The following KCNN3 variants were observed in gnomAD, a reference collection of about 807,000 sequenced individuals.
KCNN3 encodes the protein potassium calcium-activated channel subfamily N member 3.
Under a neutral mutation model 62.9 loss-of-function variants are expected in KCNN3, and 16 were observed. The ratio of observed to expected loss-of-function variants is 0.25; its 90% CI spans 0.17 to 0.39. The LOEUF is 0.39. Among genes scored for constraint, KCNN3 ranks in the 10% least tolerant of loss-of-function variants. KCNN3 has a pLI of 1.00. For missense variants in KCNN3, 599 were observed against 949.4 expected, an observed-to-expected ratio of 0.63 and a Z score of 4.85; for synonymous variants, 370 against 389.2, an observed-to-expected ratio of 0.95 and a Z score of 0.58.
At chr1:154,841,695 T>C (rs1376332668) in intron 1 of KCNN3, among the ~76,000 whole-genome samples, 1 of 152,140 alleles carries the variant, frequency 6.6e-6, no homozygotes, top group African/African-American at 2.4e-5. Flanking sequence ...ATCTACCAGG[T>C]ATTGTCTCCC....
intron 1 of KCNN3, among the ~76,000 whole-genome samples, chr1:154,864,072 G>A (rs771316053): frequency 3.3e-5 from 5 of 152,210 alleles, no homozygotes; most frequent in East Asian, 1.9e-4. Context: ...CCTGTGGGCC[G>A]ACACACTCAG....
intron 1 of KCNN3, among the ~76,000 whole-genome samples, chr1:154,828,152 G>A (rs141244226): frequency 0.021 from 3,187 of 152,232 alleles, 57 homozygotes; most frequent in Non-Finnish European, 0.032. Flanking sequence ...ATCCGAGGGC[G>A]CAGGAGTCTC....
intron 3 of KCNN3, among the ~76,000 whole-genome samples, chr1:154,759,867 T>C (rs1647918423): frequency 6.6e-6 from 1 of 152,226 alleles, no homozygotes; most frequent in Non-Finnish European, 1.5e-5. Flanking sequence ...GGTTTCTCAA[T>C]GCAATATGGA....
chr1:154,848,927 G>A (rs1268466348), intron 1 of KCNN3, among the ~76,000 whole-genome samples: 3 of 152,170 alleles, frequency 2.0e-5, no homozygotes, highest in African/African-American at 4.8e-5. Context: ...CAACGTCCCC[G>A]GGGCCAGTGC....
At chr1:154,743,903 C>T (rs925753931) in intron 3 of KCNN3, among the ~76,000 whole-genome samples, 1 of 152,142 alleles carries the variant, frequency 6.6e-6, no homozygotes, top group Admixed American at 6.5e-5. Flanking sequence ...GTGAAGTAAT[C>T]CCATCATAAG....
chr1:154,735,774 G>A (rs1207475692), intron 3 of KCNN3, among the ~76,000 whole-genome samples: 1 of 152,188 alleles, frequency 6.6e-6, no homozygotes, highest in Non-Finnish European at 1.5e-5. Context: ...TTCCCAGCAG[G>A]TTGCTTTCTG....
At position 154,701,240 on chromosome 1, in the gene KCNN3, TGCA is replaced by T. The variant is rs1699845892; in HGVS notation, c.*6733_*6735del. 6.6e-6 allele frequency: 1 copy of T among 152,250 alleles called. No individual in the cohort carries two copies. 9.4% of individuals were successfully genotyped at this position (152,250 alleles called of 1,614,324 possible). On this transcript the variant is annotated 3_prime_UTR_variant, in exon 8 of 8. Coordinates refer to ENST00000271915, the MANE Select transcript of KCNN3 (RefSeq NM_002249.6). ...TTTCCCAGGAGAAAACTTGTTGTTT[TGCA>T]CTATCTGTAAATCTATGTGAATTTT...
At chr1:154,752,673 A>AC (rs981036846) in intron 3 of KCNN3, among the ~76,000 whole-genome samples, 11 of 151,488 alleles carry the variant, frequency 7.3e-5, no homozygotes, top group African/African-American at 1.2e-4. Context: ...TATTTATTAA[A>AC]AAACAATTCC....
In KCNN3 at chr1:154,699,874, C is replaced by T. The variant is rs1260496642; in HGVS notation, c.*8102G>A. On this transcript the variant is annotated 3_prime_UTR_variant, in exon 8 of 8. Coordinates refer to ENST00000271915, the MANE Select transcript of KCNN3 (RefSeq NM_002249.6). ...TCCACCTGATATTCTGATGGCTTTG[C>T]TAGTCTGGTCTAAAAAAAAAAAGAC... The T allele has an allele frequency of 6.8e-6, 1 of 147,122 alleles. No homozygotes were observed. The highest frequency in any genetic ancestry group is 1.5e-5 in the Non-Finnish European group (1 of 65,284). The allele number at this position is 147,122 out of a possible 1,614,324, so 9.1% of individuals were successfully genotyped here.
At position 154,767,023 on chromosome 1, in the gene KCNN3, G is replaced by C. The variant is rs564554027; in HGVS notation, c.1448+4952C>G. Among the ~76,000 whole-genome samples the C allele has an allele frequency of 2.9e-4, 44 of 152,156 alleles. No homozygotes were observed. In the East Asian group the frequency reaches 6.6e-3, roughly 23 times the overall value. On this transcript the variant is annotated intron_variant, in intron 3 of 7. Coordinates refer to ENST00000271915, the MANE Select transcript of KCNN3 (RefSeq NM_002249.6). The stretch of plus-strand genomic sequence containing the variant: ...GGAGTGGAAGTACCCCTTCTTGGAG[G>C]GGGTAGGAGGTTGTGGGAAGGAGAT...
chr1:154,765,307 C>T (rs1648208870), intron 3 of KCNN3, among the ~76,000 whole-genome samples: 1 of 152,040 alleles, frequency 6.6e-6, no homozygotes, highest in Non-Finnish European at 1.5e-5. Flanking sequence ...ATCATTTCTT[C>T]CTCTGAAATA....
At chr1:154,826,838 A>G (rs1651154690) in intron 1 of KCNN3, among the ~76,000 whole-genome samples, 1 of 152,220 alleles carries the variant, frequency 6.6e-6, no homozygotes, top group Non-Finnish European at 1.5e-5. Context: ...CAAAAAGGAG[A>G]AAGCTATGCT....
intron 2 of KCNN3, among the ~76,000 whole-genome samples, chr1:154,794,174 T>C (rs1174855872): frequency 6.6e-6 from 1 of 152,258 alleles, no homozygotes; most frequent in Non-Finnish European, 1.5e-5. Context: ...ATCCTCTGAC[T>C]GGATCAATCT....
chr1:154,737,381 A>G lies in KCNN3; in HGVS notation c.1449-4237T>C, dbSNP rs185644969. On this transcript the variant is annotated intron_variant, in intron 3 of 7. Transcript: ENST00000271915. Reference sequence around the variant, plus strand: ...AATGAGAGATACAAAAGACTGTATGACTTGGCAAAGATGGTAGAGACATAT... The same window carrying G: ...AATGAGAGATACAAAAGACTGTATGGCTTGGCAAAGATGGTAGAGACATAT... Among the ~76,000 whole-genome samples, 85 of 152,314 alleles carry G rather than the reference A, an allele frequency of 5.6e-4. 1 individual carries two copies. Among genetic ancestry groups the G allele is most frequent in the African/African-American group, 2.0e-3 (85 of 41,562 alleles).
chr1:154,838,914 T>C (rs984335136), intron 1 of KCNN3, among the ~76,000 whole-genome samples: 5 of 152,174 alleles, frequency 3.3e-5, no homozygotes, highest in African/African-American at 1.2e-4. Flanking sequence ...GAATGAAGCC[T>C]GGGCAGCTTT....
At chr1:154,826,076 AAAAC>A (rs776103064) in intron 1 of KCNN3, among the ~76,000 whole-genome samples, 13,111 of 147,242 alleles carry the variant, frequency 0.089, 1,832 homozygotes, top group East Asian at 0.38. Flanking sequence ...AACAAAAACA[AAAAC>A]AAAAACAAAA....
rs747207397 is a variant in KCNN3 at position 154,701,895 on chromosome 1, T to G, written c.*6081A>C. On this transcript the variant is annotated 3_prime_UTR_variant, in exon 8 of 8. Transcript: ENST00000271915. ...TACAGGAAAACAGGACTCTTTCTTA[T>G]GTCCAATTCTGACATTGTCAAAGGA... 1 of 152,242 alleles carries G rather than the reference T, an allele frequency of 6.6e-6. No individual in the cohort carries two copies. 9.4% of individuals were successfully genotyped at this position (152,242 alleles called of 1,614,324 possible). A position where few individuals can be genotyped will look rare whatever the true frequency, so the allele number is the denominator to read the frequency against.
intron 2 of KCNN3, among the ~76,000 whole-genome samples, chr1:154,797,016 G>A (rs565537874): frequency 4.6e-5 from 7 of 152,282 alleles, no homozygotes; most frequent in African/African-American, 1.2e-4. Context: ...AGCAGCCTGC[G>A]ACAACTAGTG....
In KCNN3 at chr1:154,705,825, A is replaced by G. The variant is rs1328027341; in HGVS notation, c.*2151T>C. 6.6e-6 allele frequency: 1 copy of G among 152,206 alleles called. No individual in the cohort carries two copies. The highest frequency in any genetic ancestry group is 1.5e-5 in the Non-Finnish European group (1 of 68,042). 9.4% of individuals were successfully genotyped at this position (152,206 alleles called of 1,614,324 possible). A position where few individuals can be genotyped will look rare whatever the true frequency, so the allele number is the denominator to read the frequency against. Reference sequence around the variant, plus strand: ...AGGTTTAAATGATCAGGATTGGCACACTCAGATCAGCCCACCAGTGGTCTT... The same window carrying G: ...AGGTTTAAATGATCAGGATTGGCACGCTCAGATCAGCCCACCAGTGGTCTT... On this transcript the variant is annotated 3_prime_UTR_variant, in exon 8 of 8. Coordinates refer to ENST00000271915, the MANE Select transcript of KCNN3 (RefSeq NM_002249.6).
Sources: allele counts gnomAD v4.1 joint callset (sites outside exome capture counted in the v4.1 genomes callset), GRCh38; gene constraint gnomAD v4.1.1; transcripts MANE v1.5; gene names NCBI Gene and HGNC (gene_info 2026-07-23, HGNC 2026-07-21).